Variants in PIK3C2G observed in about 807,000 individuals in gnomAD.
PIK3C2G encodes the protein phosphatidylinositol 3-kinase C2 domain-containing subunit gamma.
PIK3C2G carries 168 observed loss-of-function variants against 181.1 expected under a neutral mutation model. The ratio of observed to expected loss-of-function variants is 0.93; its 90% CI spans 0.82 to 1.05. PIK3C2G has a LOEUF of 1.05. Among genes scored for constraint, PIK3C2G ranks in the 50% least tolerant of loss-of-function variants. PIK3C2G has a pLI of 0.00. For synonymous variants in PIK3C2G, 573 were observed against 592.2 expected (o/e 0.97, Z 0.47); for missense variants, 1,869 against 1,732.8 (o/e 1.08, Z -1.40).
upstream of PIK3C2G, among the ~76,000 whole-genome samples, chr12:18,246,703 G>A (rs922635211): frequency 1.3e-5 from 2 of 152,038 alleles, no homozygotes; most frequent in African/African-American, 4.8e-5. Flanking sequence ...GATTATGGGG[G>A]CATCTGTGTT....
intron 31 of PIK3C2G, among the ~76,000 whole-genome samples, chr12:18,616,551 T>C (rs1948616500): frequency 6.6e-6 from 1 of 152,138 alleles, no homozygotes; most frequent in African/African-American, 2.4e-5. Flanking sequence ...CTTTTATTTT[T>C]AATGTTCAAA....
chr12:18,429,354 C>A (rs575748945), intron 18 of PIK3C2G, among the ~76,000 whole-genome samples: 2 of 152,290 alleles, frequency 1.3e-5, no homozygotes, highest in South Asian at 2.1e-4. Context: ...GAATACATTT[C>A]TGTTATCACT....
chr12:18,488,167 G>T (rs1289435790), intron 18 of PIK3C2G, among the ~76,000 whole-genome samples: 1 of 152,084 alleles, frequency 6.6e-6, no homozygotes, highest in African/African-American at 2.4e-5. Flanking sequence ...AGAAAAGTGT[G>T]TGTTACAGAA....
At chr12:18,577,088 A>G (rs989126023) in intron 29 of PIK3C2G, among the ~76,000 whole-genome samples, 4 of 152,206 alleles carry the variant, frequency 2.6e-5, no homozygotes, top group African/African-American at 9.6e-5. Flanking sequence ...GAAGGTGAAT[A>G]TTGGAAGCAG....
At chr12:18,423,438 G>T (rs1018200461) in intron 17 of PIK3C2G, among the ~76,000 whole-genome samples, 2 of 152,006 alleles carry the variant, frequency 1.3e-5, no homozygotes, top group Non-Finnish European at 2.9e-5. Context: ...CTTAAGAGTT[G>T]TTCACAGTGG....
chr12:18,375,700 G>A (rs1221534532), intron 13 of PIK3C2G, among the ~76,000 whole-genome samples: 1 of 152,248 alleles, frequency 6.6e-6, no homozygotes, highest in Non-Finnish European at 1.5e-5. Context: ...GCATTTCAGA[G>A]ATATTCCAGG....
At chr12:18,454,868 GT>G (rs1947542198) in intron 18 of PIK3C2G, among the ~76,000 whole-genome samples, 1 of 152,124 alleles carries the variant, frequency 6.6e-6, no homozygotes, top group Admixed American at 6.5e-5. Flanking sequence ...GCATAACTAA[GT>G]TTTATTCACT....
chr12:18,516,107 C>T (rs1014934063), intron 24 of PIK3C2G, among the ~76,000 whole-genome samples: 1 of 152,104 alleles, frequency 6.6e-6, no homozygotes, highest in Non-Finnish European at 1.5e-5. Context: ...TGTTAGCATT[C>T]TTTTCATTGA....
intron 18 of PIK3C2G, among the ~76,000 whole-genome samples, chr12:18,474,783 A>G (rs1215398407): frequency 2.0e-5 from 3 of 152,180 alleles, no homozygotes; most frequent in Non-Finnish European, 4.4e-5. Context: ...TAAATATTTG[A>G]TTCATAATTC....
chr12:18,587,476 T>G (rs1279224575), intron 29 of PIK3C2G, among the ~76,000 whole-genome samples: 1 of 151,618 alleles, frequency 6.6e-6, no homozygotes, highest in Non-Finnish European at 1.5e-5. Flanking sequence ...AAGAATAAAA[T>G]ACCTAGGAAC....
chr12:18,335,222 C>A (rs979074019), intron 8 of PIK3C2G, among the ~76,000 whole-genome samples: 1 of 152,076 alleles, frequency 6.6e-6, no homozygotes, highest in African/African-American at 2.4e-5. Flanking sequence ...CTGCCCCTTC[C>A]CCCTACCTTC....
intron 18 of PIK3C2G, among the ~76,000 whole-genome samples, chr12:18,459,855 G>A (rs955053234): frequency 3.9e-5 from 6 of 151,988 alleles, no homozygotes; most frequent in African/African-American, 9.7e-5. Context: ...TCTGCCTCAC[G>A]GGGTTCAAGT....
Position 18,496,164 on chromosome 12 carries a change from C to T in PIK3C2G, c.2886+10C>T, listed in dbSNP as rs1233042534. 6 of 1,449,734 alleles carry T rather than the reference C, an allele frequency of 4.1e-6. No homozygotes were observed. The highest frequency in any genetic ancestry group is 1.3e-5 in the South Asian group (1 of 77,648). The allele number at this position is 1,449,734 out of a possible 1,614,324, so 89.8% of individuals were successfully genotyped here. A position where few individuals can be genotyped will look rare whatever the true frequency, so the allele number is the denominator to read the frequency against. Reference sequence around the variant, plus strand: ...CAGCATTATTTTTAAGGTATGGTAGCGCTCTTAAAACATGAATTGATTCCA... The same window carrying T: ...CAGCATTATTTTTAAGGTATGGTAGTGCTCTTAAAACATGAATTGATTCCA... On this transcript the variant is annotated intron_variant, in intron 21 of 32. Transcript: ENST00000538779.
At chr12:18,364,147 G>A (rs1592069386) in intron 12 of PIK3C2G, among the ~76,000 whole-genome samples, 1 of 152,078 alleles carries the variant, frequency 6.6e-6, no homozygotes, top group Admixed American at 6.6e-5. Flanking sequence ...CCCCGTTCTT[G>A]CTATCCACCA....
chr12:18,341,209 A>C (rs2137620097), intron 9 of PIK3C2G, among the ~76,000 whole-genome samples: 1 of 152,308 alleles, frequency 6.6e-6, no homozygotes, highest in South Asian at 2.1e-4. Flanking sequence ...AAACTCCTTA[A>C]GAGAATAAAA....
Position 18,391,193 on chromosome 12 carries a change from G to A in PIK3C2G, c.2067G>A (p.Glu689=), listed in dbSNP as rs1943511203. The change falls in exon 15 of 33, where the codon GAG becomes GAA. Residue 689 remains glutamate, a synonymous_variant. Transcript: ENST00000538779. ...DSEENRSNLE[E]PLKECIKHIA... ...AAGAGAATAGAAGTAATCTTGAAGA[G>A]CCACTAAAGGAGTGTATAAAACATA... 6.2e-7 allele frequency: 1 copy of A among 1,609,092 alleles called. No individual in the cohort carries two copies. Among genetic ancestry groups the A allele is most frequent in the Non-Finnish European group, 8.5e-7 (1 of 1,176,906 alleles).
At chr12:18,326,098 C>T (rs1252916506) in intron 8 of PIK3C2G, among the ~76,000 whole-genome samples, 1 of 152,112 alleles carries the variant, frequency 6.6e-6, no homozygotes, top group African/African-American at 2.4e-5. Flanking sequence ...AATTATGTGC[C>T]TAGAATAACT....
At chr12:18,375,726 C>T (rs1942389151) in intron 13 of PIK3C2G, among the ~76,000 whole-genome samples, 1 of 152,240 alleles carries the variant, frequency 6.6e-6, no homozygotes, top group African/African-American at 2.4e-5. Flanking sequence ...CCTCCCATCA[C>T]AGGACCTGAG....
intron 1 of PIK3C2G, among the ~76,000 whole-genome samples, chr12:18,275,340 C>T (rs1011003520): frequency 5.3e-5 from 8 of 152,010 alleles, no homozygotes; most frequent in Admixed American, 2.6e-4. Flanking sequence ...TCATTCACTT[C>T]ATCTTTCTCC....
Sources: gnomAD v4.1 joint callset for allele counts (sites outside exome capture counted in the v4.1 genomes callset) on GRCh38, gnomAD v4.1.1 for gene constraint, MANE v1.5 for transcripts, NCBI Gene and HGNC (gene_info 2026-07-23, HGNC 2026-07-21) for gene names.